CNTN5: variants seen among roughly 807,000 people sequenced by gnomAD.
The protein encoded by CNTN5 is contactin 5.
CNTN5 carries 77 observed loss-of-function variants against 129.1 expected under a neutral mutation model. That is an observed-to-expected ratio of 0.60 (90% CI 0.50 to 0.72). CNTN5 has a LOEUF of 0.72. Among genes scored for constraint, CNTN5 ranks in the 30% least tolerant of loss-of-function variants. The probability of loss-of-function intolerance (pLI) is 0.00; values close to 1 mark genes in which losing one functional copy is unlikely to be tolerated. For synonymous variants in CNTN5, 509 were observed against 465.6 expected (o/e 1.09, Z -1.20); for missense variants, 1,478 against 1,328.8 (o/e 1.11, Z -1.75).
At chr11:100,022,038 T>TGGGTAGGTCTTCCTGA (rs1941183837) in intron 9 of CNTN5, among the ~76,000 whole-genome samples, 1 of 152,168 alleles carries the variant, frequency 6.6e-6, no homozygotes, top group Non-Finnish European at 1.5e-5. Context: ...CACCACATTG[T>TGGGTAGGTCTTCCTGA]GGGTAGGTCT....
chr11:99,918,463 T>C (rs1205388846), intron 7 of CNTN5, among the ~76,000 whole-genome samples: 1 of 152,172 alleles, frequency 6.6e-6, no homozygotes, highest in African/African-American at 2.4e-5. Flanking sequence ...CTATTATTTT[T>C]ACTATACTTT....
chr11:99,294,400 A>G (rs1201639586), intron 1 of CNTN5, among the ~76,000 whole-genome samples: 4 of 152,224 alleles, frequency 2.6e-5, no homozygotes, highest in African/African-American at 9.6e-5. Flanking sequence ...AGAAATTAGG[A>G]AAGCAATCCC....
chr11:99,967,987 A>G lies in CNTN5; in HGVS notation c.877+10978A>G, dbSNP rs1009290679. Among the ~76,000 whole-genome samples, 2 of 152,340 alleles carry G rather than the reference A, an allele frequency of 1.3e-5. 1 individual carries two copies. The highest frequency in any genetic ancestry group is 4.1e-4 in the South Asian group (2 of 4,832). On this transcript the variant is annotated intron_variant, in intron 8 of 24. Coordinates refer to ENST00000524871, the MANE Select transcript of CNTN5 (RefSeq NM_014361.4). ...TGATGGAAAATAAATGCCAACAAATATTAACTAAAAAGAAGTTGAGGTTGC... is the reference window on the plus strand; with the variant it reads ...TGATGGAAAATAAATGCCAACAAATGTTAACTAAAAAGAAGTTGAGGTTGC...
At chr11:99,079,069 A>G (rs1050942708) in intron 1 of CNTN5, among the ~76,000 whole-genome samples, 1 of 152,154 alleles carries the variant, frequency 6.6e-6, no homozygotes, top group Non-Finnish European at 1.5e-5. Flanking sequence ...TTAAATATAT[A>G]TACCCATCTA....
chr11:100,283,876 G>A (rs958617492), intron 18 of CNTN5, among the ~76,000 whole-genome samples: 2 of 152,090 alleles, frequency 1.3e-5, no homozygotes, highest in Non-Finnish European at 2.9e-5. Context: ...AACCCAGGAG[G>A]CAGAGATTGC....
intron 8 of CNTN5, among the ~76,000 whole-genome samples, chr11:99,970,543 G>C (rs905729760): frequency 6.6e-6 from 1 of 152,168 alleles, no homozygotes; most frequent in African/African-American, 2.4e-5. Context: ...GTTCCTGTGA[G>C]GATGAAATAC....
In CNTN5 at chr11:100,181,718, A is replaced by C. The variant is rs140216835; in HGVS notation, c.1581-9408A>C. Among the ~76,000 whole-genome samples the C allele has an allele frequency of 5.9e-4, 90 of 152,170 alleles. No individual in the cohort carries two copies. In the East Asian group the frequency reaches 0.017, roughly 29 times the overall value. ...AATCTGTTTTATTTCTTAAAACTGC[A>C]TGTGACCTTACAATTATCTCCAAAA... On this transcript the variant is annotated intron_variant, in intron 13 of 24. Coordinates refer to ENST00000524871, the MANE Select transcript of CNTN5 (RefSeq NM_014361.4).
At chr11:99,899,200 A>G (rs911630261) in intron 6 of CNTN5, among the ~76,000 whole-genome samples, 2 of 151,980 alleles carry the variant, frequency 1.3e-5, no homozygotes, top group African/African-American at 4.8e-5. Flanking sequence ...CTTTTTCCCA[A>G]TTTGGATGCC....
At chr11:100,112,532 G>A (rs1478944519) in intron 13 of CNTN5, among the ~76,000 whole-genome samples, 1 of 152,068 alleles carries the variant, frequency 6.6e-6, no homozygotes, top group East Asian at 1.9e-4. Context: ...TCTGGTGTTA[G>A]AACTGTAATT....
intron 1 of CNTN5, among the ~76,000 whole-genome samples, chr11:99,220,576 A>G (rs1860349140): frequency 2.0e-5 from 3 of 152,110 alleles, no homozygotes; most frequent in Non-Finnish European, 2.9e-5. Flanking sequence ...CATGAAATAG[A>G]GGAAAGTCAT....
chr11:99,818,817 A>G (rs1291460200), intron 3 of CNTN5, among the ~76,000 whole-genome samples: 1 of 152,204 alleles, frequency 6.6e-6, no homozygotes, highest in African/African-American at 2.4e-5. Flanking sequence ...ATTTATCAAT[A>G]ATCAATAAAA....
chr11:100,142,358 C>T (rs1946721739), intron 13 of CNTN5, among the ~76,000 whole-genome samples: 1 of 152,144 alleles, frequency 6.6e-6, no homozygotes, highest in African/African-American at 2.4e-5. Flanking sequence ...GTTGATCTCT[C>T]TTCTATCTTT....
chr11:100,324,880 A>G (rs1010895036), intron 21 of CNTN5, among the ~76,000 whole-genome samples: 1 of 152,154 alleles, frequency 6.6e-6, no homozygotes, highest in Non-Finnish European at 1.5e-5. Flanking sequence ...TCATTTATTT[A>G]TTTTATGTAA....
intron 3 of CNTN5, among the ~76,000 whole-genome samples, chr11:99,652,502 G>A (rs1591426727): frequency 6.6e-6 from 1 of 151,980 alleles, no homozygotes; most frequent in African/African-American, 2.4e-5. Context: ...CCGGAAAGCG[G>A]TATTACGAAG....
chr11:99,423,149 T>A (rs1402037201), intron 2 of CNTN5, among the ~76,000 whole-genome samples: 5 of 152,088 alleles, frequency 3.3e-5, no homozygotes, highest in African/African-American at 1.2e-4. Flanking sequence ...CAATAAGTAG[T>A]CCTAAAGAGG....
intron 13 of CNTN5, among the ~76,000 whole-genome samples, chr11:100,160,206 A>G (rs578197078): frequency 6.6e-6 from 1 of 151,920 alleles, no homozygotes; most frequent in South Asian, 2.1e-4. Context: ...TTTGCTGAGA[A>G]TGATGGTTTC....
At chr11:99,657,549 A>G (rs974843230) in intron 3 of CNTN5, among the ~76,000 whole-genome samples, 4 of 152,104 alleles carry the variant, frequency 2.6e-5, no homozygotes, top group Non-Finnish European at 5.9e-5. Flanking sequence ...AGTAATGACA[A>G]TTTATTTAAA....
intron 2 of CNTN5, among the ~76,000 whole-genome samples, chr11:99,427,691 G>A (rs1015856855): frequency 4.7e-5 from 7 of 148,952 alleles, no homozygotes; most frequent in African/African-American, 1.5e-4. Context: ...ACTTGAACCC[G>A]GGAGGCAGAA....
chr11:100,215,473 A>G (rs1375593983), intron 15 of CNTN5, among the ~76,000 whole-genome samples: 3 of 152,178 alleles, frequency 2.0e-5, no homozygotes, highest in African/African-American at 7.2e-5. Flanking sequence ...CACTGCATAC[A>G]AGTAGTGTTA....
Sources: gnomAD v4.1 joint callset for allele counts (sites outside exome capture counted in the v4.1 genomes callset) on GRCh38, gnomAD v4.1.1 for gene constraint, MANE v1.5 for transcripts, NCBI Gene and HGNC (gene_info 2026-07-23, HGNC 2026-07-21) for gene names.